CFDP1: variants seen among roughly 807,000 people sequenced by gnomAD.
The protein encoded by CFDP1 is chromatin remodeling protein CFDP1, also known as heterochromatin-stabilizing protein CFDP1.
Under a neutral mutation model 40.1 loss-of-function variants are expected in CFDP1, and 31 were observed. That is an observed-to-expected ratio of 0.77 (90% CI 0.58 to 1.04). CFDP1 has a LOEUF of 1.04. Ranked by LOEUF, CFDP1 falls within the 50% of genes least tolerant of loss-of-function variation. The pLI is 0.00. For missense variants in CFDP1, 423 were observed against 343.4 expected (o/e 1.23, Z -1.83); for synonymous variants, 167 against 120.0 (o/e 1.39, Z -2.56).
intron 5 of CFDP1, among the ~76,000 whole-genome samples, chr16:75,354,392 C>T (rs2078633167): frequency 6.6e-6 from 1 of 152,140 alleles, no homozygotes; most frequent in Non-Finnish European, 1.5e-5. Flanking sequence ...TGAAAGAGAT[C>T]ACAGAGCGGG....
chr16:75,357,878 C>T (rs1459230328), intron 5 of CFDP1, among the ~76,000 whole-genome samples: 1 of 152,176 alleles, frequency 6.6e-6, no homozygotes, highest in Non-Finnish European at 1.5e-5. Flanking sequence ...AGCTTTTAGC[C>T]TGTCTTGGCT....
chr16:75,307,581 C>T (rs1383864680), intron 5 of CFDP1, among the ~76,000 whole-genome samples: 1 of 152,100 alleles, frequency 6.6e-6, no homozygotes, highest in Non-Finnish European at 1.5e-5. Context: ...TTTTTAGAGA[C>T]AGGTTCTCAC....
intron 5 of CFDP1, among the ~76,000 whole-genome samples, chr16:75,342,242 T>C (rs540083330): frequency 5.3e-4 from 81 of 152,320 alleles, no homozygotes; most frequent in African/African-American, 1.0e-3. Context: ...TGCTTTTGAA[T>C]TACCATTGCT....
intron 5 of CFDP1, among the ~76,000 whole-genome samples, chr16:75,364,726 A>T (rs558813125): frequency 6.6e-6 from 1 of 152,354 alleles, no homozygotes; most frequent in South Asian, 2.1e-4. Flanking sequence ...TTATGTTAAC[A>T]TGTAATGAGT....
chr16:75,405,591 T>C (rs11149828), intron 4 of CFDP1, among the ~76,000 whole-genome samples: 78,606 of 151,408 alleles, frequency 0.52, 21,419 homozygotes, highest in Admixed American at 0.64. Flanking sequence ...CTACTAAAAA[T>C]ACAAAAAAAA....
intron 2 of CFDP1, among the ~76,000 whole-genome samples, chr16:75,413,460 A>C (rs923176021): frequency 6.7e-6 from 1 of 150,134 alleles, no homozygotes; most frequent in African/African-American, 2.5e-5. Context: ...TCGGAGGCTG[A>C]GGCAGGGAAC....
intron 5 of CFDP1, among the ~76,000 whole-genome samples, chr16:75,306,877 T>TCACACACA (rs59846343): frequency 7.4e-5 from 10 of 135,564 alleles, no homozygotes; most frequent in African/African-American, 3.0e-4. Context: ...GTGCGCGTGA[T>TCACACACA]CACACACACA....
intron 5 of CFDP1, among the ~76,000 whole-genome samples, chr16:75,344,921 G>C (rs2078551732): frequency 6.6e-6 from 1 of 152,064 alleles, no homozygotes; most frequent in Non-Finnish European, 1.5e-5. Flanking sequence ...AACAGAGGGA[G>C]ACTACATCTC....
chr16:75,366,586 G>C (rs2078715630), intron 5 of CFDP1, among the ~76,000 whole-genome samples: 1 of 152,134 alleles, frequency 6.6e-6, no homozygotes, highest in South Asian at 2.1e-4. Context: ...TCGTGCCACT[G>C]TACTCTAACC....
chr16:75,425,755 C>T lies in CFDP1; in HGVS notation c.64+7534G>A, dbSNP rs933192233. 1.3e-4 allele frequency among the ~76,000 whole-genome samples: 20 copies of T among 151,580 alleles called. 1 individual carries two copies. The highest frequency in any genetic ancestry group is 3.4e-4 in the African/African-American group (14 of 41,286). On this transcript the variant is annotated intron_variant, in intron 1 of 6. Coordinates refer to ENST00000283882, the MANE Select transcript of CFDP1 (RefSeq NM_006324.3). The stretch of plus-strand genomic sequence containing the variant: ...ATTTTTTAAAAAAGTAAATGCTGGC[C>T]GGGCACGGTGGCTCACTCCTGTAAT...
At chr16:75,418,371 T>G (rs1243833644) in intron 1 of CFDP1, among the ~76,000 whole-genome samples, 1 of 139,730 alleles carries the variant, frequency 7.2e-6, no homozygotes, top group Non-Finnish European at 1.5e-5. Context: ...AGTGGCACGA[T>G]CTCGGCTCAC....
intron 5 of CFDP1, among the ~76,000 whole-genome samples, chr16:75,355,262 C>T (rs1373446048): frequency 6.6e-6 from 1 of 152,168 alleles, no homozygotes; most frequent in Non-Finnish European, 1.5e-5. Context: ...AATAAAACAA[C>T]AGTGAAGTCT....
At chr16:75,417,402 T>G (rs550068511) in intron 1 of CFDP1, among the ~76,000 whole-genome samples, 3 of 152,274 alleles carry the variant, frequency 2.0e-5, no homozygotes, top group South Asian at 2.1e-4. Flanking sequence ...CAATGCAATG[T>G]GTAAAATTTC....
At position 75,354,911 on chromosome 16, in the gene CFDP1, T is replaced by C. The variant is rs1171389336; in HGVS notation, c.650+40179A>G. ...ACATCAGAGAAAGCTGGGTGACACA[T>C]GCAGGGACACCTAGGAGATATTTTG... On this transcript the variant is annotated intron_variant, in intron 5 of 6. Coordinates refer to ENST00000283882, the MANE Select transcript of CFDP1 (RefSeq NM_006324.3). Among the ~76,000 whole-genome samples, 6 of 152,296 alleles carry C rather than the reference T, an allele frequency of 3.9e-5. No homozygotes were observed. The East Asian group carries it at 1.2e-3, about 29-fold the overall frequency.
intron 5 of CFDP1, among the ~76,000 whole-genome samples, chr16:75,333,520 A>G (rs2078463552): frequency 6.6e-6 from 1 of 152,230 alleles, no homozygotes; most frequent in Admixed American, 6.5e-5. Flanking sequence ...AATGTCACAG[A>G]TTTGAAGAAA....
chr16:75,322,270 G>A (rs888711488), intron 5 of CFDP1, among the ~76,000 whole-genome samples: 2 of 152,154 alleles, frequency 1.3e-5, no homozygotes, highest in African/African-American at 2.4e-5. Context: ...ACACTATTTC[G>A]GATCTGTGTT....
chr16:75,387,079 G>A lies in CFDP1; in HGVS notation c.650+8011C>T, dbSNP rs551387047. On this transcript the variant is annotated intron_variant, in intron 5 of 6. Coordinates refer to ENST00000283882, the MANE Select transcript of CFDP1 (RefSeq NM_006324.3). The stretch of plus-strand genomic sequence containing the variant: ...AATAAGTTAAAAACAAATGAAGCAC[G>A]GTATTAGCATCCACTGAAGAACATG... 3.3e-5 allele frequency among the ~76,000 whole-genome samples: 5 copies of A among 151,894 alleles called. No homozygotes were observed. The South Asian group carries it at 6.3e-4, about 19-fold the overall frequency.
chr16:75,307,268 T>C (rs1012692109), intron 5 of CFDP1, among the ~76,000 whole-genome samples: 1 of 152,056 alleles, frequency 6.6e-6, no homozygotes, highest in Non-Finnish European at 1.5e-5. Context: ...CAGGCTGGAG[T>C]GCAGATGCGT....
rs139249435 is a variant in CFDP1, at chr16:75,305,073, C to T, written c.760G>A (p.Glu254Lys). ...GCCAGTTCTTCACCAATCCCCTCTT[C>T]CTCCTTGAAGCTCTCCCAGTCCAGT... is the stretch of plus-strand genomic sequence containing the variant. ...SKLDWESFKE[E>K]EGIGEELAIH... The change falls in exon 6 of 7, where the codon GAA (glutamate) becomes AAA (lysine). Residue 254 changes from glutamate to lysine, a missense_variant. Transcript: ENST00000283882. The T allele has an allele frequency of 1.2e-6, 2 of 1,614,196 alleles. No individual in the cohort carries two copies. The highest frequency in any genetic ancestry group is 1.7e-6 in the Non-Finnish European group (2 of 1,180,038).
Sources: allele counts gnomAD v4.1 joint callset (sites outside exome capture counted in the v4.1 genomes callset), GRCh38; gene constraint gnomAD v4.1.1; transcripts MANE v1.5; gene names NCBI Gene and HGNC (gene_info 2026-07-23, HGNC 2026-07-21).